CYFIP1: variants seen among roughly 807,000 people sequenced by gnomAD.
The protein encoded by CYFIP1 is cytoplasmic FMR1-interacting protein 1.
CYFIP1 carries 58 observed loss-of-function variants against 163.5 expected under a neutral mutation model. That is an observed-to-expected ratio of 0.35 (90% CI 0.29 to 0.44). The LOEUF is 0.44. CYFIP1 is among the 20% of genes least tolerant of loss of function. The pLI is 1.00. For synonymous variants in CYFIP1, 663 were observed against 660.7 expected (o/e 1.00, Z -0.05); for missense variants, 1,338 against 1,653.8 (o/e 0.81, Z 3.31).
At chr15:22,875,092 C>T (rs987073809) in intron 27 of CYFIP1, 107 bp downstream of exon 27, 15 of 1,033,810 alleles carry the variant, frequency 1.5e-5, no homozygotes, top group African/African-American at 3.1e-5. Context: ...ACTGAACAGG[C>T]GCCAAACCCA....
intron 1 of CYFIP1, among the ~76,000 whole-genome samples, chr15:22,955,064 AC>A (rs2062396773): frequency 6.6e-6 from 1 of 152,136 alleles, no homozygotes; most frequent in African/African-American, 2.4e-5. Flanking sequence ...GCTTCAAGGG[AC>A]CCACGGTGGG....
intron 26 of CYFIP1, among the ~76,000 whole-genome samples, chr15:22,878,611 G>T (rs2059653689): frequency 6.6e-6 from 1 of 150,406 alleles, no homozygotes; most frequent in Non-Finnish European, 1.5e-5. Context: ...ATGTCTTCAT[G>T]ACCCCAAGGC....
chr15:22,917,017 G>A lies in CYFIP1; in HGVS notation c.1675-387C>T, dbSNP rs577046716. ...GAGCCCAAGGACTCGGCCATGGTGC[G>A]CACCAGGTAGAGCTAGACACGGACA... On this transcript the variant is annotated intron_variant, in intron 15 of 30. Transcript: ENST00000617928. The surrounding 1 kb of genome is among the most constrained non-coding windows in gnomAD (Gnocchi z 4.2). The A allele has an allele frequency of 1.1e-4, 165 of 1,547,118 alleles. 3 individuals are homozygous for A. In the Admixed American group the frequency reaches 1.2e-3, roughly 11 times the overall value.
chr15:22,869,951 A>G lies in CYFIP1; in HGVS notation c.*77T>C, dbSNP rs2059376688. On this transcript the variant is annotated 3_prime_UTR_variant, in exon 31 of 31. Coordinates refer to ENST00000617928, the MANE Select transcript of CYFIP1 (RefSeq NM_014608.6). ...AACAGGTACAGAGATACTGAAAAAT[A>G]GTCCCTAAAAATCTCACTAAATAGT... 4 of 1,358,860 alleles carry G rather than the reference A, an allele frequency of 2.9e-6. No individual in the cohort carries two copies. The highest frequency in any genetic ancestry group is 2.9e-6 in the Non-Finnish European group (3 of 1,028,664). The allele number at this position is 1,358,860 out of a possible 1,614,324, so 84.2% of individuals were successfully genotyped here. A position where few individuals can be genotyped will look rare whatever the true frequency, so the allele number is the denominator to read the frequency against.
At chr15:22,883,069 A>G in intron 23 of CYFIP1, 58 bp from the exon 24 acceptor site, 1 of 1,580,536 alleles carries the variant, frequency 6.3e-7, no homozygotes, top group South Asian at 1.1e-5. Context: ...GCAGATGAAG[A>G]ACTGTGTGAG....
chr15:22,927,862 C>A, intron 12 of CYFIP1, 44 bp downstream of exon 12: 1 of 1,551,018 alleles, frequency 6.4e-7, no homozygotes, highest in Non-Finnish European at 8.6e-7. Context: ...ATAAAGTGCC[C>A]GAGGCAGCTT....
chr15:22,934,387 G>T (rs1409619517), intron 9 of CYFIP1, among the ~76,000 whole-genome samples: 1 of 147,392 alleles, frequency 6.8e-6, no homozygotes, highest in Non-Finnish European at 1.5e-5. Context: ...GGGATTCACT[G>T]TGTTAGCCAG....
At chr15:22,924,938 G>A (rs1425507481) in intron 13 of CYFIP1, among the ~76,000 whole-genome samples, 1 of 152,122 alleles carries the variant, frequency 6.6e-6, no homozygotes, top group Non-Finnish European at 1.5e-5. Flanking sequence ...CAGGTGTGGT[G>A]GCATGCACCT....
chr15:22,913,150 T>C (rs189214568), intron 17 of CYFIP1, among the ~76,000 whole-genome samples: 1 of 151,816 alleles, frequency 6.6e-6, no homozygotes, highest in Admixed American at 6.6e-5. Flanking sequence ...GAGCTGTCTT[T>C]GCACCACTGC....
intron 9 of CYFIP1, 94 bp downstream of exon 9, chr15:22,937,010 T>G (rs1566998325): frequency 2.4e-6 from 2 of 838,528 alleles, no homozygotes; most frequent in Non-Finnish European, 4.0e-6. Flanking sequence ...CAGCGTTTCC[T>G]GATATAGATC....
intron 29 of CYFIP1, 96 bp downstream of exon 29, chr15:22,873,395 G>A: frequency 9.7e-7 from 1 of 1,036,098 alleles, no homozygotes; most frequent in South Asian, 1.5e-5. Context: ...TCCACTTCCT[G>A]AGCATGGCTG....
chr15:22,900,248 G>C, intron 22 of CYFIP1, among the ~76,000 whole-genome samples: 2 of 152,146 alleles, frequency 1.3e-5, no homozygotes, highest in Middle Eastern at 6.8e-3. Flanking sequence ...GAGGAGACTG[G>C]AGTGATGCCA....
intron 26 of CYFIP1, 141 bp from the exon 27 acceptor site, chr15:22,875,412 G>A: frequency 1.3e-6 from 1 of 772,264 alleles, no homozygotes; most frequent in Admixed American, 1.9e-5. Flanking sequence ...GAGATTTCTG[G>A]GATGATGGAA....
chr15:22,932,186 CTCGGGTGCCT>C, intron 11 of CYFIP1, 27 bp downstream of exon 11: 1 of 1,506,030 alleles, frequency 6.6e-7, no homozygotes, highest in Non-Finnish European at 9.1e-7. Context: ...ACAGGCGACC[CTCGGGTGCCT>C]GTGCAGCTCC....
chr15:22,966,780 G>A (rs1392136242), intron 1 of CYFIP1, among the ~76,000 whole-genome samples: 1 of 151,454 alleles, frequency 6.6e-6, no homozygotes, highest in Non-Finnish European at 1.5e-5. Flanking sequence ...AAGGGAACCC[G>A]CTTGGCAGCA....
chr15:22,973,914 G>A (rs909860415), intron 1 of CYFIP1, among the ~76,000 whole-genome samples: 3 of 152,152 alleles, frequency 2.0e-5, no homozygotes, highest in Non-Finnish European at 2.9e-5. Context: ...GCCAACAGGT[G>A]TATGAAAAAA....
intron 1 of CYFIP1, among the ~76,000 whole-genome samples, chr15:22,961,210 C>CG (rs1319469197): frequency 6.6e-6 from 1 of 151,452 alleles, no homozygotes; most frequent in Admixed American, 6.6e-5. Context: ...TTAGTAGAGA[C>CG]GGGGTTTCAC....
chr15:22,953,970 G>A (rs997938219), intron 1 of CYFIP1, among the ~76,000 whole-genome samples: 4 of 152,144 alleles, frequency 2.6e-5, no homozygotes, highest in African/African-American at 9.7e-5. Flanking sequence ...GCAGGAAAAT[G>A]GCGTGAACCC....
At chr15:22,920,166 T>C (rs2142128421) in intron 13 of CYFIP1, among the ~76,000 whole-genome samples, 1 of 133,376 alleles carries the variant, frequency 7.5e-6, no homozygotes, top group East Asian at 2.1e-4. Context: ...CAGCTTTTTT[T>C]TTTTTTTTTT....
Sources: allele counts gnomAD v4.1 joint callset (sites outside exome capture counted in the v4.1 genomes callset), GRCh38; gene constraint gnomAD v4.1.1; non-coding constraint Gnocchi (gnomAD v3.1); transcripts MANE v1.5; gene names NCBI Gene and HGNC (gene_info 2026-07-23, HGNC 2026-07-21).